STAP1: variants seen among roughly 807,000 people sequenced by gnomAD.
STAP1 encodes the protein signal-transducing adaptor protein 1.
STAP1 carries 30 observed loss-of-function variants against 37.8 expected under a neutral mutation model. The ratio of observed to expected loss-of-function variants is 0.79; its 90% CI spans 0.59 to 1.08. STAP1 has a LOEUF of 1.08. Ranked by LOEUF, STAP1 falls within the 50% of genes least tolerant of loss-of-function variation. The pLI, the probability that STAP1 is intolerant of heterozygous loss-of-function variation, is 0.00. For missense variants in STAP1, 357 were observed against 349.4 expected, an observed-to-expected ratio of 1.02 and a Z score of -0.17; for synonymous variants, 130 against 116.0, an observed-to-expected ratio of 1.12 and a Z score of -0.78.
chr4:67,595,336 G>C (rs771288841), intron 8 of STAP1, among the ~76,000 whole-genome samples: 1 of 131,310 alleles, frequency 7.6e-6, no homozygotes, highest in Non-Finnish European at 1.5e-5. Flanking sequence ...ATCACTTTGA[G>C]AGCATCCTGG....
intron 5 of STAP1, among the ~76,000 whole-genome samples, chr4:67,582,006 A>T (rs1467560543): frequency 6.6e-6 from 1 of 152,172 alleles, no homozygotes; most frequent in Non-Finnish European, 1.5e-5. Context: ...TATTGAAAAG[A>T]TTCTGAGCTC....
At chr4:67,582,646 G>A (rs915677658) in intron 5 of STAP1, among the ~76,000 whole-genome samples, 2 of 149,238 alleles carry the variant, frequency 1.3e-5, no homozygotes, top group African/African-American at 2.5e-5. Context: ...TTTTTTCTAT[G>A]AATATGACTA....
rs34185676 is a variant in STAP1, at chr4:67,595,372, CAAAAAAAAAAA to C, written c.826+2035_826+2045del. Among the ~76,000 whole-genome samples the C allele has an allele frequency of 3.3e-3, 289 of 87,790 alleles. 3 individuals are homozygous for C. Among genetic ancestry groups the C allele is most frequent in the Middle Eastern group, 0.016 (3 of 186 alleles). 57.6% of individuals were successfully genotyped at this position (87,790 alleles called of 152,430 possible). A position where few individuals can be genotyped will look rare whatever the true frequency, so the allele number is the denominator to read the frequency against. Reference sequence around the variant, plus strand: ...GCAACATAGGGAGACTTCGTTTCTACAAAAAAAAAAAAAAAAAAAAAAAAAAAAATGCTGGG... The same window carrying C: ...GCAACATAGGGAGACTTCGTTTCTACAAAAAAAAAAAAAAAAAATGCTGGG... On this transcript the variant is annotated intron_variant, in intron 8 of 8. Coordinates refer to ENST00000265404, the MANE Select transcript of STAP1 (RefSeq NM_012108.4).
At chr4:67,588,568 C>G (rs1728049855) in intron 6 of STAP1, among the ~76,000 whole-genome samples, 1 of 152,054 alleles carries the variant, frequency 6.6e-6, no homozygotes, top group Non-Finnish European at 1.5e-5. Context: ...CACCACCACG[C>G]CCGGCTAATT....
intron 6 of STAP1, among the ~76,000 whole-genome samples, chr4:67,586,934 G>A (rs1320094764): frequency 1.3e-5 from 2 of 152,182 alleles, no homozygotes; most frequent in Non-Finnish European, 2.9e-5. Flanking sequence ...TTTAGGCTTT[G>A]AGAAATAGTT....
At chr4:67,591,421 A>G (rs1728116802) in intron 7 of STAP1, among the ~76,000 whole-genome samples, 1 of 152,190 alleles carries the variant, frequency 6.6e-6, no homozygotes, top group Admixed American at 6.5e-5. Flanking sequence ...TGATATAGCT[A>G]AGCACTTGAC....
chr4:67,582,541 C>T (rs576997293), intron 5 of STAP1, among the ~76,000 whole-genome samples: 5 of 151,988 alleles, frequency 3.3e-5, no homozygotes, highest in African/African-American at 1.2e-4. Flanking sequence ...CTCTTGAGCT[C>T]GAGTGATCCA....
At chr4:67,593,719 G>A (rs1432653889) in intron 8 of STAP1, among the ~76,000 whole-genome samples, 4 of 152,166 alleles carry the variant, frequency 2.6e-5, no homozygotes, top group Admixed American at 6.5e-5. Flanking sequence ...TGTCAACAAC[G>A]TTAGATGCGT....
chr4:67,564,781 C>T (rs1285630441), intron 1 of STAP1, among the ~76,000 whole-genome samples: 3 of 152,106 alleles, frequency 2.0e-5, no homozygotes, highest in Non-Finnish European at 4.4e-5. Flanking sequence ...GGCATGGTGG[C>T]ATGTGCCTGT....
intron 1 of STAP1, among the ~76,000 whole-genome samples, chr4:67,561,944 C>A (rs1487203601): frequency 6.6e-6 from 1 of 151,728 alleles, no homozygotes; most frequent in Non-Finnish European, 1.5e-5. Flanking sequence ...TGGTGGCACG[C>A]ACCTGTGGTC....
At chr4:67,599,624 ATTTTCTT>A (rs1728297664) in intron 8 of STAP1, among the ~76,000 whole-genome samples, 2 of 148,490 alleles carry the variant, frequency 1.3e-5, no homozygotes, top group African/African-American at 5.0e-5. Flanking sequence ...AGGTTTGTTG[ATTTTCTT>A]TTTTCTTTTT....
At chr4:67,582,893 G>A (rs766865895) in intron 5 of STAP1, among the ~76,000 whole-genome samples, 3 of 152,132 alleles carry the variant, frequency 2.0e-5, no homozygotes, top group African/African-American at 2.4e-5. Context: ...ATAGGCTAAT[G>A]TAAGTGTTCT....
chr4:67,591,044 C>T lies in STAP1; in HGVS notation c.729+91C>T, dbSNP rs1429850701. 8.5e-6 allele frequency: 7 copies of T among 827,318 alleles called. No individual in the cohort carries two copies. In the Admixed American group the frequency reaches 1.2e-4, roughly 15 times the overall value. 51.2% of individuals were successfully genotyped at this position (827,318 alleles called of 1,614,324 possible). ...GCAAAAAGCAGCCAAGTTAAGGAGC[C>T]CTGAATGTGGCAGATATACAAGGTG... On this transcript the variant is annotated intron_variant, in intron 7 of 8. Coordinates refer to ENST00000265404, the MANE Select transcript of STAP1 (RefSeq NM_012108.4).
chr4:67,564,958 A>G (rs1163084737), intron 1 of STAP1, among the ~76,000 whole-genome samples: 1 of 152,128 alleles, frequency 6.6e-6, no homozygotes, highest in Non-Finnish European at 1.5e-5. Flanking sequence ...TAAAGTTCTC[A>G]GAACAATATG....
chr4:67,593,157 G>T, intron 7 of STAP1, 103 bp from the exon 8 acceptor site: 2 of 749,024 alleles, frequency 2.7e-6, no homozygotes, highest in African/African-American at 1.8e-5. Context: ...AGCCATTGAA[G>T]TGAAGTAATG....
chr4:67,593,388 G>GAAACAAAACA, intron 8 of STAP1, 32 bp downstream of exon 8: 1 of 1,510,968 alleles, frequency 6.6e-7, no homozygotes, highest in East Asian at 2.3e-5. Context: ...TATGTTAAGG[G>GAAACAAAACA]AAACAAAACA....
At chr4:67,567,886 A>G (rs1263537515) in intron 1 of STAP1, among the ~76,000 whole-genome samples, 1 of 152,250 alleles carries the variant, frequency 6.6e-6, no homozygotes, top group Non-Finnish European at 1.5e-5. Flanking sequence ...AGCCCAGATC[A>G]GAAAGGCCGT....
At chr4:67,591,371 G>T (rs1459002001) in intron 7 of STAP1, among the ~76,000 whole-genome samples, 1 of 152,112 alleles carries the variant, frequency 6.6e-6, no homozygotes, top group Non-Finnish European at 1.5e-5. Context: ...TATTTGTCTT[G>T]AACTCTTCTC....
intron 8 of STAP1, among the ~76,000 whole-genome samples, chr4:67,594,950 A>G (rs138279603): frequency 6.6e-6 from 1 of 151,800 alleles, no homozygotes; most frequent in Admixed American, 6.6e-5. Flanking sequence ...GTGTGTGTGC[A>G]TGTGTGTGAT....
Sources: allele counts gnomAD v4.1 joint callset (sites outside exome capture counted in the v4.1 genomes callset), GRCh38; gene constraint gnomAD v4.1.1; transcripts MANE v1.5; gene names NCBI Gene and HGNC (gene_info 2026-07-23, HGNC 2026-07-21).